HECA: variants seen among roughly 807,000 people sequenced by gnomAD.
The protein encoded by HECA is headcase protein homolog.
A neutral mutation model predicts 37.6 loss-of-function variants in HECA; 13 were observed. The ratio of observed to expected loss-of-function variants is 0.35; its 90% CI spans 0.23 to 0.55. The LOEUF (loss-of-function observed/expected upper bound fraction) is 0.55. HECA is among the 20% of genes least tolerant of loss of function. The pLI, the probability that HECA is intolerant of heterozygous loss-of-function variation, is 0.90. For missense variants in HECA, 527 were observed against 701.9 expected, an observed-to-expected ratio of 0.75 and a Z score of 2.82; for synonymous variants, 307 against 291.5, an observed-to-expected ratio of 1.05 and a Z score of -0.54.
intron 1 of HECA, among the ~76,000 whole-genome samples, chr6:139,164,083 C>CTCTCTG (rs1371387483): frequency 1.4e-5 from 2 of 143,492 alleles, no homozygotes; most frequent in African/African-American, 5.8e-5. Context: ...CACACACACT[C>CTCTCTG]TCTCTCTCTC....
rs138490244 is a variant in HECA at position 139,167,321 on chromosome 6, C to G, written c.1309C>G (p.Gln437Glu). 7 of 1,584,006 alleles carry G rather than the reference C, an allele frequency of 4.4e-6. No individual in the cohort carries two copies. In the African/African-American group the frequency reaches 9.4e-5, roughly 21 times the overall value. ...EIEYDVPCHL[Q>E]GRLMHLYAVC... ...CGAATATGATGTTCCTTGTCACCTTCAAGGTATAGGTGTTAATTCACCTTG... is the reference window on the plus strand; with the variant it reads ...CGAATATGATGTTCCTTGTCACCTTGAAGGTATAGGTGTTAATTCACCTTG... Residue 437 changes from glutamine (Q) to glutamate (E), a missense_variant, in exon 2 of 4, where the codon CAA becomes GAA. Physicochemically the swap from Gln to Glu is conservative, Grantham distance 29. Coordinates refer to ENST00000367658, the MANE Select transcript of HECA (RefSeq NM_016217.3).
intron 1 of HECA, among the ~76,000 whole-genome samples, 196 bp downstream of exon 1, chr6:139,135,863 C>T (rs1425319635): frequency 6.6e-5 from 10 of 151,606 alleles, no homozygotes; most frequent in African/African-American, 9.7e-5. Flanking sequence ...GGCCCCTGCC[C>T]GGTGTCCGCG....
chr6:139,142,603 G>A (rs1774529136), intron 1 of HECA, among the ~76,000 whole-genome samples: 1 of 152,126 alleles, frequency 6.6e-6, no homozygotes, highest in Non-Finnish European at 1.5e-5. Flanking sequence ...TACATAGGGG[G>A]ACTTTCCAAG....
intron 1 of HECA, among the ~76,000 whole-genome samples, chr6:139,141,304 A>C (rs1048332509): frequency 6.6e-6 from 1 of 152,216 alleles, no homozygotes; most frequent in Non-Finnish European, 1.5e-5. Flanking sequence ...AAAAGTACAT[A>C]TATAGTTTCT....
intron 1 of HECA, among the ~76,000 whole-genome samples, chr6:139,140,132 G>A (rs796714493): frequency 1.8e-4 from 27 of 152,246 alleles, no homozygotes; most frequent in African/African-American, 6.0e-4. Context: ...TTTTATAACC[G>A]AGGTTTGTAG....
At chr6:139,155,750 G>T (rs763008618) in intron 1 of HECA, 1 of 152,170 alleles carries the variant, frequency 6.6e-6, no homozygotes, top group South Asian at 2.1e-4. Context: ...GTACCCCCAA[G>T]ATCTAAATCT....
intron 1 of HECA, among the ~76,000 whole-genome samples, chr6:139,154,833 A>G (rs1774693939): frequency 6.6e-6 from 1 of 152,236 alleles, no homozygotes; most frequent in Admixed American, 6.5e-5. Context: ...GAGTATTGCC[A>G]CATTTTGAAT....
intron 2 of HECA, among the ~76,000 whole-genome samples, chr6:139,168,053 A>C (rs1774918062): frequency 6.6e-6 from 1 of 152,200 alleles, no homozygotes; most frequent in Non-Finnish European, 1.5e-5. Context: ...TTGTTGTGAA[A>C]ATGATATATC....
At chr6:139,136,877 G>T (rs1774454533) in intron 1 of HECA, among the ~76,000 whole-genome samples, 1 of 151,906 alleles carries the variant, frequency 6.6e-6, no homozygotes, top group Admixed American at 6.6e-5. Context: ...CTCGTGATCC[G>T]CCCGTCTCGG....
chr6:139,152,302 TG>T (rs765907232), intron 1 of HECA, among the ~76,000 whole-genome samples: 147 of 152,286 alleles, frequency 9.7e-4, no homozygotes, highest in Non-Finnish European at 1.7e-3. Context: ...AATTTGAGGC[TG>T]GGTAGACTTG....
Position 139,166,515 on chromosome 6 carries a change from G to T in HECA, c.503G>T (p.Gly168Val). 6.2e-7 allele frequency: 1 copy of T among 1,614,226 alleles called. No homozygotes were observed. Among genetic ancestry groups the T allele is most frequent in the Non-Finnish European group, 8.5e-7 (1 of 1,180,042 alleles). ...QCRQNMWTKK[G>V]YDLAFRFCSC... ...CGCCAGAACATGTGGACAAAGAAGG[G>T]CTACGACCTGGCCTTCCGCTTCTGC... Residue 168 changes from glycine (G) to valine (V), a missense_variant, in exon 2 of 4, where the codon GGC becomes GTC. This residue lies in a region of HECA where 21 missense variants were observed against 51.2 expected (regional missense o/e 0.41). Coordinates refer to ENST00000367658, the MANE Select transcript of HECA (RefSeq NM_016217.3).
Position 139,167,127 on chromosome 6 carries a change from C to T in HECA, c.1115C>T (p.Ala372Val). The stretch of plus-strand genomic sequence containing the variant: ...TTCCACGTGCGCATGGAAGACGATG[C>T]CCAAGTGGGCCAGGGGGAAGACTTG... ...NTFHVRMEDD[A>V]QVGQGEDLRK... is the part of the protein sequence containing the mutation. Residue 372 changes from alanine (A) to valine (V), a missense_variant, in exon 2 of 4, where the codon GCC becomes GTC. Ala to Val is a moderately conservative substitution (Grantham distance 64). Around this residue, in one of 4 missense-constraint regions of HECA, gnomAD observed 228 missense variants for 259.8 expected, o/e 0.88. Coordinates refer to ENST00000367658, the MANE Select transcript of HECA (RefSeq NM_016217.3). The T allele has an allele frequency of 1.2e-6, 2 of 1,614,174 alleles. No homozygotes were observed. The highest frequency in any genetic ancestry group is 1.7e-6 in the Non-Finnish European group (2 of 1,180,030).
chr6:139,174,763 C>A, intron 3 of HECA: 1 of 509,764 alleles, frequency 2.0e-6, no homozygotes, highest in Non-Finnish European at 3.0e-6. Context: ...TATATTAGGT[C>A]AAAAGAACAG....
In HECA at chr6:139,166,526, G is replaced by T. The variant is rs1032503790; in HGVS notation, c.514G>T (p.Ala172Ser). ...GTGGACAAAGAAGGGCTACGACCTG[G>T]CCTTCCGCTTCTGCTCTTGCCGCTG... The part of the protein sequence containing the change: ...NMWTKKGYDL[A>S]FRFCSCRCGQ... The change falls in exon 2 of 4, where the codon GCC (alanine) becomes TCC (serine). Residue 172 changes from alanine (A) to serine (S), a missense_variant. By Grantham distance (99) the Ala-to-Ser change is moderately conservative (BLOSUM62 1). This residue lies in a region of HECA where 21 missense variants were observed against 51.2 expected (regional missense o/e 0.41). Coordinates refer to ENST00000367658, the MANE Select transcript of HECA (RefSeq NM_016217.3). The T allele has an allele frequency of 6.2e-7, 1 of 1,614,138 alleles. No individual in the cohort carries two copies. Among genetic ancestry groups the T allele is most frequent in the Admixed American group, 1.7e-5 (1 of 60,014 alleles).
rs1327422667 is a variant in HECA at position 139,166,406 on chromosome 6, CA to C, written c.395del (p.Gln132ArgfsTer54). On this transcript the variant is annotated frameshift_variant, in exon 2 of 4. Transcript: ENST00000367658. LOFTEE classifies it high-confidence loss of function. ...HCPCSTWMHLQCFYEWESSIL... is the reference protein window; with the variant it reads ...HCPCSTWMHLXCFYEWESSIL... The stretch of plus-strand genomic sequence containing the variant: ...CCCCTGCAGCACCTGGATGCACCTG[CA>C]GTGCTTCTACGAGTGGGAGAGCAGC... 6.2e-7 allele frequency: 1 copy of C among 1,614,262 alleles called. No homozygotes were observed. Among genetic ancestry groups the C allele is most frequent in the Non-Finnish European group, 8.5e-7 (1 of 1,180,042 alleles).
intron 1 of HECA, among the ~76,000 whole-genome samples, chr6:139,160,639 T>C (rs920263992): frequency 6.6e-6 from 1 of 152,192 alleles, no homozygotes; most frequent in Non-Finnish European, 1.5e-5. Flanking sequence ...GTTCTCTAAC[T>C]CCTGGCCGCA....
At chr6:139,159,332 C>T (rs1348979329) in intron 1 of HECA, 2 of 152,122 alleles carry the variant, frequency 1.3e-5, no homozygotes, top group Non-Finnish European at 2.9e-5. Flanking sequence ...TTTGTTCCCA[C>T]ATAAGAGGAA....
chr6:139,167,906 C>T (rs566150164), intron 2 of HECA, among the ~76,000 whole-genome samples: 6 of 152,230 alleles, frequency 3.9e-5, no homozygotes, highest in African/African-American at 1.4e-4. Flanking sequence ...GGATTTGGTA[C>T]ATTTCAGCCA....
chr6:139,143,658 C>G (rs1041812155), intron 1 of HECA, among the ~76,000 whole-genome samples: 2 of 151,926 alleles, frequency 1.3e-5, no homozygotes, highest in Admixed American at 1.3e-4. Context: ...GTCAGGAGAT[C>G]GAGACCACCC....
Sources: gnomAD v4.1 joint callset for allele counts (sites outside exome capture counted in the v4.1 genomes callset) on GRCh38, gnomAD v4.1.1 for gene constraint, gnomAD v4.1.1 regional missense constraint, MANE v1.5 for transcripts, NCBI Gene and HGNC (gene_info 2026-07-23, HGNC 2026-07-21) for gene names.